EVI5: variants seen among roughly 807,000 people sequenced by gnomAD.
EVI5 encodes ecotropic viral integration site 5.
A neutral mutation model predicts 112.0 loss-of-function variants in EVI5; 73 were observed. The observed-to-expected ratio is 0.65, with a 90% confidence interval of 0.54 to 0.79. The LOEUF (loss-of-function observed/expected upper bound fraction) is 0.79, where lower values mean the gene tolerates loss of function less well. Ranked by LOEUF, EVI5 falls within the 30% of genes least tolerant of loss-of-function variation. The probability of loss-of-function intolerance (pLI) is 0.00; values close to 1 mark genes in which losing one functional copy is unlikely to be tolerated. For synonymous variants in EVI5, 305 were observed against 319.9 expected, an observed-to-expected ratio of 0.95 and a Z score of 0.50; for missense variants, 900 against 968.8, an observed-to-expected ratio of 0.93 and a Z score of 0.94.
intron 2 of EVI5, among the ~76,000 whole-genome samples, chr1:92,723,658 T>C (rs532822600): frequency 9.2e-5 from 14 of 152,244 alleles, no homozygotes; most frequent in East Asian, 3.9e-4. Flanking sequence ...GTTTGAACAA[T>C]AGAAAATCAG....
chr1:92,760,224 A>C (rs936603787), intron 1 of EVI5, among the ~76,000 whole-genome samples: 31 of 152,192 alleles, frequency 2.0e-4, no homozygotes, highest in African/African-American at 7.5e-4. Context: ...GATACAAAGT[A>C]AGGAAATAAA....
chr1:92,587,960 T>C (rs1673084832), intron 18 of EVI5, among the ~76,000 whole-genome samples: 2 of 152,230 alleles, frequency 1.3e-5, no homozygotes, highest in South Asian at 4.1e-4. Flanking sequence ...GGTTTAATTC[T>C]CACCTATTTT....
intron 18 of EVI5, among the ~76,000 whole-genome samples, chr1:92,573,403 T>C (rs981779177): frequency 7.9e-5 from 12 of 152,120 alleles, no homozygotes; most frequent in Non-Finnish European, 1.8e-4. Flanking sequence ...TAATAATAAA[T>C]GCTTTTATCC....
At chr1:92,679,638 G>A (rs1246580854) in intron 9 of EVI5, among the ~76,000 whole-genome samples, 2 of 152,094 alleles carry the variant, frequency 1.3e-5, no homozygotes, top group Admixed American at 6.5e-5. Flanking sequence ...CAGTAGTATG[G>A]TACATTGTTA....
rs557739810 is a variant in EVI5 at position 92,628,909 on chromosome 1, C to G, written c.1528-2975G>C. The stretch of plus-strand genomic sequence containing the variant: ...TACTGCATATTCATTTAAAAGACTG[C>G]TGGAAGCAGAAAAAAAGAGGATGCT... On this transcript the variant is annotated intron_variant, in intron 14 of 19. Transcript: ENST00000684568. Among the ~76,000 whole-genome samples the G allele has an allele frequency of 2.6e-5, 4 of 152,286 alleles. No individual in the cohort carries two copies. The South Asian group carries it at 6.2e-4, about 24-fold the overall frequency.
chr1:92,722,675 C>T (rs1041910264), intron 2 of EVI5, among the ~76,000 whole-genome samples: 3 of 152,110 alleles, frequency 2.0e-5, no homozygotes, highest in Admixed American at 2.0e-4. Flanking sequence ...CTCACACAAC[C>T]TAACACTCCA....
intron 19 of EVI5, among the ~76,000 whole-genome samples, chr1:92,519,611 G>A (rs1557700212): frequency 6.6e-6 from 1 of 152,236 alleles, no homozygotes; most frequent in East Asian, 1.9e-4. Context: ...ATATTAAGTT[G>A]GCCGGGTGCA....
intron 18 of EVI5, among the ~76,000 whole-genome samples, chr1:92,585,427 T>A (rs904918343): frequency 2.6e-5 from 4 of 152,082 alleles, no homozygotes; most frequent in Non-Finnish European, 4.4e-5. Context: ...AGTTCAAAGC[T>A]GTAGTACGCT....
chr1:92,715,257 C>G (rs926352558), intron 2 of EVI5, among the ~76,000 whole-genome samples: 14 of 152,142 alleles, frequency 9.2e-5, no homozygotes, highest in African/African-American at 3.1e-4. Flanking sequence ...GATCCACCCG[C>G]CTCGGCCTCC....
intron 19 of EVI5, among the ~76,000 whole-genome samples, chr1:92,542,004 T>C (rs924165468): frequency 6.6e-6 from 1 of 152,192 alleles, no homozygotes; most frequent in Non-Finnish European, 1.5e-5. Flanking sequence ...GTTGGGGTGG[T>C]TGTGGCAATT....
rs201080134 is a variant in EVI5, at chr1:92,636,312, C to T, written c.1417G>A (p.Glu473Lys). 7.6e-5 allele frequency: 123 copies of T among 1,613,716 alleles called. No individual in the cohort carries two copies. The Middle Eastern group carries it at 1.5e-3, about 19-fold the overall frequency. Residue 473 changes from glutamate to lysine, a missense_variant, in exon 14 of 20, where the codon GAA becomes AAA. Transcript: ENST00000684568. Reference protein sequence around the residue: ...QWHKCSSNYNEDFVLQLEKEL... With the variant: ...QWHKCSSNYNKDFVLQLEKEL... ...TTCTCTAGCTGTAGCACAAAATCTTCGTTGTAGTTGGAACTGCATTTATGC... is the reference window on the plus strand; with the variant it reads ...TTCTCTAGCTGTAGCACAAAATCTTTGTTGTAGTTGGAACTGCATTTATGC...
At chr1:92,635,152 G>T (rs928164092) in intron 14 of EVI5, among the ~76,000 whole-genome samples, 4 of 152,230 alleles carry the variant, frequency 2.6e-5, no homozygotes, top group African/African-American at 9.6e-5. Context: ...GAGGCAGTCT[G>T]TCGGTTCTCA....
intron 18 of EVI5, among the ~76,000 whole-genome samples, chr1:92,582,349 C>T (rs1056152196): frequency 6.6e-6 from 1 of 151,940 alleles, no homozygotes; most frequent in Non-Finnish European, 1.5e-5. Context: ...CAGGCACTGA[C>T]AAGAGCCATA....
chr1:92,545,221 A>C (rs1326339116), intron 19 of EVI5, among the ~76,000 whole-genome samples: 1 of 152,068 alleles, frequency 6.6e-6, no homozygotes, highest in African/African-American at 2.4e-5. Context: ...GTTATTGTTT[A>C]TTTTTAAAAA....
At chr1:92,631,440 C>G (rs1434934402) in intron 14 of EVI5, among the ~76,000 whole-genome samples, 1 of 152,150 alleles carries the variant, frequency 6.6e-6, no homozygotes, top group Admixed American at 6.5e-5. Context: ...CTCTTTGAAG[C>G]AATTGTGAAT....
chr1:92,603,494 TGGA>T (rs1649636756), intron 18 of EVI5, among the ~76,000 whole-genome samples: 1 of 152,202 alleles, frequency 6.6e-6, no homozygotes, highest in Non-Finnish European at 1.5e-5. Context: ...ATACATACAA[TGGA>T]ATATTATTCA....
At chr1:92,588,945 C>A (rs936232412) in intron 18 of EVI5, among the ~76,000 whole-genome samples, 18 of 152,102 alleles carry the variant, frequency 1.2e-4, no homozygotes, top group Admixed American at 1.3e-4. Context: ...ATGGTCCTTA[C>A]CCTCAATGAA....
chr1:92,747,677 G>A (rs1679496163), intron 1 of EVI5, among the ~76,000 whole-genome samples: 1 of 120,794 alleles, frequency 8.3e-6, no homozygotes, highest in African/African-American at 3.1e-5. Context: ...TCACGCCACT[G>A]CACTCCAGCC....
intron 1 of EVI5, among the ~76,000 whole-genome samples, chr1:92,753,075 C>T (rs1343593936): frequency 2.0e-5 from 3 of 148,356 alleles, no homozygotes; most frequent in East Asian, 2.0e-4. Flanking sequence ...GAGGAGGCAA[C>T]GTTTAAGATA....
Sources: allele counts gnomAD v4.1 joint callset (sites outside exome capture counted in the v4.1 genomes callset), GRCh38; gene constraint gnomAD v4.1.1; transcripts MANE v1.5; gene names NCBI Gene and HGNC (gene_info 2026-07-23, HGNC 2026-07-21).